KIAA0232: variants seen among roughly 807,000 people sequenced by gnomAD.
KIAA0232 encodes KIAA0232, also known as uncharacterized protein KIAA0232.
In KIAA0232, 27 loss-of-function variants were observed where a neutral mutation model predicts 122.0. That is an observed-to-expected ratio of 0.22 (90% CI 0.16 to 0.31). The LOEUF (loss-of-function observed/expected upper bound fraction) is 0.31, where lower values mean the gene tolerates loss of function less well. Among genes scored for constraint, KIAA0232 ranks in the 10% least tolerant of loss-of-function variants. KIAA0232 has a pLI of 1.00. For missense variants in KIAA0232, 1,551 were observed against 1,634.2 expected (o/e 0.95, Z 0.88); for synonymous variants, 613 against 587.6 (o/e 1.04, Z -0.63).
chr4:6,852,946 A>C (rs182552439), intron 4 of KIAA0232, among the ~76,000 whole-genome samples: 4 of 152,322 alleles, frequency 2.6e-5, no homozygotes, highest in African/African-American at 7.2e-5. Flanking sequence ...GGCCCAACCT[A>C]GGGGCAAGTG....
intron 3 of KIAA0232, among the ~76,000 whole-genome samples, chr4:6,829,657 A>C (rs1177739524): frequency 6.6e-6 from 1 of 152,246 alleles, no homozygotes; most frequent in Non-Finnish European, 1.5e-5. Flanking sequence ...GGCAGTGTGC[A>C]TTGACTGGTG....
chr4:6,794,502 C>A (rs908392266), intron 1 of KIAA0232, among the ~76,000 whole-genome samples: 1 of 152,090 alleles, frequency 6.6e-6, no homozygotes, highest in Admixed American at 6.5e-5. Context: ...TACAAATAAG[C>A]AAGTAGATGC....
At position 6,876,742 on chromosome 4, in the gene KIAA0232, G is replaced by A. The variant is rs746263528; in HGVS notation, c.3993G>A (p.Leu1331=). The stretch of plus-strand genomic sequence containing the variant: ...AGACACCCAGTAATGAAGAGCGCCT[G>A]TTAGATTTTAATAGGGTAAGTGGAC... ...AKETPSNEER[L]LDFNRVSSVY... Residue 1331 remains leucine (L), a synonymous_variant, in exon 9 of 10, where the codon CTG becomes CTA. Transcript: ENST00000307659. The A allele has an allele frequency of 6.2e-7, 1 of 1,609,156 alleles. No individual in the cohort carries two copies. The highest frequency in any genetic ancestry group is 1.7e-5 in the Admixed American group (1 of 60,012).
chr4:6,832,541 G>T (rs369333924), intron 3 of KIAA0232, among the ~76,000 whole-genome samples: 84 of 152,158 alleles, frequency 5.5e-4, no homozygotes, highest in African/African-American at 1.9e-3. Flanking sequence ...TAGAGATGGG[G>T]TTTCACCATG....
At chr4:6,874,311 TGGGGCTGCCTGCA>T (rs961056067) in intron 8 of KIAA0232, among the ~76,000 whole-genome samples, 1 of 152,328 alleles carries the variant, frequency 6.6e-6, no homozygotes, top group East Asian at 1.9e-4. Flanking sequence ...ATGTGACAGC[TGGGGCTGCCTGCA>T]GGGAGAGGTG....
At chr4:6,860,232 C>T (rs1720781770) in intron 6 of KIAA0232, among the ~76,000 whole-genome samples, 1 of 152,182 alleles carries the variant, frequency 6.6e-6, no homozygotes, top group African/African-American at 2.4e-5. Context: ...TTCCTTTACT[C>T]CTCACAACCC....
intron 4 of KIAA0232, among the ~76,000 whole-genome samples, chr4:6,844,142 G>A (rs1338354960): frequency 1.3e-5 from 2 of 151,388 alleles, no homozygotes; most frequent in South Asian, 2.1e-4. Context: ...GGGTATCACC[G>A]TGTTAGCCAG....
At chr4:6,827,545 C>T (rs1369681447) in intron 3 of KIAA0232, among the ~76,000 whole-genome samples, 3 of 152,222 alleles carry the variant, frequency 2.0e-5, no homozygotes, top group Non-Finnish European at 4.4e-5. Context: ...TCTTCGCTCA[C>T]CCCTTAGTCC....
At chr4:6,870,516 C>T (rs1721418215) in intron 7 of KIAA0232, among the ~76,000 whole-genome samples, 1 of 152,174 alleles carries the variant, frequency 6.6e-6, no homozygotes, top group African/African-American at 2.4e-5. Flanking sequence ...TAAGAATTTC[C>T]TTTGGGCCAG....
At chr4:6,790,882 G>A (rs1390066945) in intron 1 of KIAA0232, among the ~76,000 whole-genome samples, 1 of 144,112 alleles carries the variant, frequency 6.9e-6, no homozygotes, top group African/African-American at 2.6e-5. Flanking sequence ...TCTTTTGCCA[G>A]TACCATCTGA....
intron 4 of KIAA0232, among the ~76,000 whole-genome samples, chr4:6,854,656 A>C (rs1720478211): frequency 6.6e-6 from 1 of 152,146 alleles, no homozygotes; most frequent in African/African-American, 2.4e-5. Context: ...CGGTTTGCAG[A>C]GTGTTTTACA....
At position 6,827,760 on chromosome 4, in the gene KIAA0232, G is replaced by T. The variant is rs544360067; in HGVS notation, c.231+3076G>T. Among the ~76,000 whole-genome samples the T allele has an allele frequency of 2.0e-5, 3 of 152,288 alleles. No individual in the cohort carries two copies. In the South Asian group the frequency reaches 6.2e-4, roughly 32 times the overall value. ...TCTATAAACCTCTAATTTGGGCAGG[G>T]TTATAAACACATTTGTGGTGGTGGG... On this transcript the variant is annotated intron_variant, in intron 3 of 9. Transcript: ENST00000307659.
At position 6,880,884 on chromosome 4, in the gene KIAA0232, C is replaced by T. The variant is rs761716746; in HGVS notation, c.4106C>T (p.Thr1369Ile). The T allele has an allele frequency of 5.6e-6, 9 of 1,607,594 alleles. No homozygotes were observed. Among genetic ancestry groups the T allele is most frequent in the Non-Finnish European group, 6.8e-6 (8 of 1,176,946 alleles). Residue 1369 changes from threonine to isoleucine, a missense_variant, in exon 10 of 10, where the codon ACC becomes ATC. Thr to Ile is a moderately conservative substitution (Grantham distance 89). Coordinates refer to ENST00000307659, the MANE Select transcript of KIAA0232 (RefSeq NM_014743.3). The stretch of plus-strand genomic sequence containing the variant: ...AAGATGTGCTCCAGCGCCAGCTCCA[C>T]CTCGGAAGAGACAGGCTCAGAAGGC... ...RGKMCSSASS[T>I]SEETGSEGGG...
intron 8 of KIAA0232, among the ~76,000 whole-genome samples, chr4:6,872,567 T>C (rs1306101401): frequency 6.6e-6 from 1 of 152,198 alleles, no homozygotes; most frequent in Non-Finnish European, 1.5e-5. Context: ...GAACTAAGGA[T>C]GCAACCAGAA....
intron 1 of KIAA0232, among the ~76,000 whole-genome samples, chr4:6,791,294 T>C (rs557329409): frequency 6.8e-6 from 1 of 146,836 alleles, no homozygotes; most frequent in African/African-American, 2.5e-5. Context: ...AACATTGGAA[T>C]ACAAGTAGCT....
intron 1 of KIAA0232, among the ~76,000 whole-genome samples, chr4:6,794,254 T>A (rs1717033981): frequency 2.6e-5 from 4 of 152,246 alleles, no homozygotes. Flanking sequence ...CTGTGCATCC[T>A]GCACCGGACA....
At chr4:6,856,202 A>G (rs529281305) in intron 4 of KIAA0232, among the ~76,000 whole-genome samples, 28 of 152,270 alleles carry the variant, frequency 1.8e-4, no homozygotes, top group African/African-American at 6.5e-4. Flanking sequence ...GTAAAGTTCT[A>G]TTTTTAGCCC....
intron 3 of KIAA0232, among the ~76,000 whole-genome samples, chr4:6,839,119 C>G (rs1243492482): frequency 2.0e-5 from 3 of 152,202 alleles, no homozygotes; most frequent in Non-Finnish European, 2.9e-5. Context: ...GAGCAAGACT[C>G]TGTCTCAGAA....
intron 2 of KIAA0232, among the ~76,000 whole-genome samples, chr4:6,808,828 A>G (rs1479462673): frequency 6.6e-6 from 1 of 152,194 alleles, no homozygotes; most frequent in Non-Finnish European, 1.5e-5. Context: ...TTTGGGAAGT[A>G]GTTAGTTCAG....
Sources: allele counts gnomAD v4.1 joint callset (sites outside exome capture counted in the v4.1 genomes callset), GRCh38; gene constraint gnomAD v4.1.1; transcripts MANE v1.5; gene names NCBI Gene and HGNC (gene_info 2026-07-23, HGNC 2026-07-21).